The following GPC5 variants were observed in gnomAD, a reference collection of about 807,000 sequenced individuals.
GPC5 encodes glypican-5.
A neutral mutation model predicts 53.9 loss-of-function variants in GPC5; 47 were observed. That is an observed-to-expected ratio of 0.87 (90% CI 0.69 to 1.11). GPC5 has a LOEUF of 1.11. GPC5 is among the 50% of genes most tolerant of loss of function. The probability of loss-of-function intolerance (pLI) is 0.00; values close to 1 mark genes in which losing one functional copy is unlikely to be tolerated. For missense variants in GPC5, 748 were observed against 713.1 expected, an observed-to-expected ratio of 1.05 and a Z score of -0.56; for synonymous variants, 286 against 263.3, an observed-to-expected ratio of 1.09 and a Z score of -0.84.
chr13:91,907,503 T>TATATATATATA (rs2039566577), intron 5 of GPC5, among the ~76,000 whole-genome samples: 5 of 129,552 alleles, frequency 3.9e-5, no homozygotes, highest in Non-Finnish European at 6.4e-5. Context: ...CTCTCTCTCT[T>TATATATATATA]TATATATATA....
chr13:91,858,719 T>A (rs1566307623), intron 5 of GPC5, among the ~76,000 whole-genome samples: 1 of 152,026 alleles, frequency 6.6e-6, no homozygotes, highest in African/African-American at 2.4e-5. Flanking sequence ...CACAGTAGTT[T>A]GAGTAGGATT....
intron 6 of GPC5, among the ~76,000 whole-genome samples, chr13:92,127,645 T>C (rs1235783239): frequency 2.6e-5 from 4 of 152,120 alleles, no homozygotes; most frequent in Admixed American, 6.5e-5. Flanking sequence ...CTAAGTAGGT[T>C]TCAGCTGTCT....
intron 6 of GPC5, among the ~76,000 whole-genome samples, chr13:91,988,378 A>G (rs1449559467): frequency 1.3e-5 from 2 of 152,180 alleles, no homozygotes; most frequent in African/African-American, 2.4e-5. Flanking sequence ...ATCCCTGCAT[A>G]TGGAAGTCAG....
intron 7 of GPC5, among the ~76,000 whole-genome samples, chr13:92,806,711 A>T (rs1243229761): frequency 6.6e-6 from 1 of 152,076 alleles, no homozygotes; most frequent in South Asian, 2.1e-4. Context: ...TTAGTGGAGC[A>T]GTCAGTGCAC....
At chr13:91,459,476 T>C (rs1881790670) in intron 2 of GPC5, among the ~76,000 whole-genome samples, 1 of 119,402 alleles carries the variant, frequency 8.4e-6, no homozygotes, top group South Asian at 3.6e-4. Flanking sequence ...AAGAAAAGAA[T>C]TGAAGCCCAG....
At chr13:91,494,327 CATT>C (rs765322041) in intron 2 of GPC5, among the ~76,000 whole-genome samples, 8 of 98,066 alleles carry the variant, frequency 8.2e-5, no homozygotes, top group East Asian at 3.0e-4. Flanking sequence ...TCTCTGGCTC[CATT>C]ATTATTATTA....
chr13:91,896,408 C>T (rs187122649), intron 5 of GPC5, among the ~76,000 whole-genome samples: 4 of 152,170 alleles, frequency 2.6e-5, no homozygotes, highest in East Asian at 1.9e-4. Context: ...CATGAGCCAC[C>T]GCACTGGCCC....
intron 7 of GPC5, among the ~76,000 whole-genome samples, chr13:92,328,687 G>C (rs1488953967): frequency 6.6e-6 from 1 of 152,096 alleles, no homozygotes; most frequent in African/African-American, 2.4e-5. Flanking sequence ...ATCACTCCAT[G>C]TTCATGGAAA....
chr13:92,124,449 G>A (rs2138950901), intron 6 of GPC5, among the ~76,000 whole-genome samples: 1 of 152,056 alleles, frequency 6.6e-6, no homozygotes, highest in East Asian at 1.9e-4. Context: ...AAATGACATT[G>A]CAAAAAGGAA....
Position 92,163,429 on chromosome 13 carries a change from C to T in GPC5, c.1561+18440C>T, listed in dbSNP as rs1362093398. The stretch of plus-strand genomic sequence containing the variant: ...TGAGCCGAGATTGCACCACTGCAGT[C>T]CTGCCTGAGTAACACAGTGAGATTC... On this transcript the variant is annotated intron_variant, in intron 7 of 7. Transcript: ENST00000377067. Among the ~76,000 whole-genome samples, 3 of 144,014 alleles carry T rather than the reference C, an allele frequency of 2.1e-5. No individual in the cohort carries two copies. The Admixed American group carries it at 2.2e-4, about 10-fold the overall frequency. 94.5% of individuals were successfully genotyped at this position (144,014 alleles called of 152,430 possible).
chr13:92,130,219 T>C (rs533774290), intron 6 of GPC5, among the ~76,000 whole-genome samples: 86 of 152,060 alleles, frequency 5.7e-4, no homozygotes, highest in Middle Eastern at 3.4e-3. Context: ...GACAAGTAAT[T>C]GTTGAGAGAA....
At chr13:92,761,521 G>T (rs542291388) in intron 7 of GPC5, among the ~76,000 whole-genome samples, 1 of 152,148 alleles carries the variant, frequency 6.6e-6, no homozygotes, top group Admixed American at 6.6e-5. Context: ...TATTTTATTT[G>T]ATATAAGTAG....
At chr13:92,059,857 T>C (rs1389753578) in intron 6 of GPC5, 1 of 151,914 alleles carries the variant, frequency 6.6e-6, no homozygotes, top group Non-Finnish European at 1.5e-5. Context: ...ATCCTTTCCT[T>C]GGGGTTGCGC....
At chr13:92,801,231 T>C (rs906205893) in intron 7 of GPC5, among the ~76,000 whole-genome samples, 1 of 151,696 alleles carries the variant, frequency 6.6e-6, no homozygotes, top group Non-Finnish European at 1.5e-5. Flanking sequence ...TATAGATATA[T>C]ATACATATCT....
intron 6 of GPC5, among the ~76,000 whole-genome samples, chr13:92,072,419 A>T (rs1009758985): frequency 1.3e-5 from 2 of 151,568 alleles, no homozygotes; most frequent in African/African-American, 2.4e-5. Flanking sequence ...GGCGTGCACC[A>T]CCATGCCCAG....
chr13:92,770,414 C>CAA (rs34087505), intron 7 of GPC5, among the ~76,000 whole-genome samples: 2,841 of 76,510 alleles, frequency 0.037, 77 homozygotes, highest in South Asian at 0.065. Context: ...GACCCTGTCT[C>CAA]AAAAAAAAAA....
intron 7 of GPC5, among the ~76,000 whole-genome samples, chr13:92,808,585 C>A (rs1273677236): frequency 1.3e-5 from 2 of 151,886 alleles, no homozygotes; most frequent in African/African-American, 2.4e-5. Flanking sequence ...CAAATTATGG[C>A]TGACTTAATA....
intron 3 of GPC5, among the ~76,000 whole-genome samples, chr13:91,721,812 A>T (rs1192378689): frequency 6.6e-6 from 1 of 152,214 alleles, no homozygotes; most frequent in African/African-American, 2.4e-5. Flanking sequence ...AAACAAGTAG[A>T]AAATAGTATT....
chr13:91,887,176 C>A (rs2138961321), intron 5 of GPC5, among the ~76,000 whole-genome samples: 1 of 152,276 alleles, frequency 6.6e-6, no homozygotes, highest in Non-Finnish European at 1.5e-5. Flanking sequence ...CACCTGCAGG[C>A]TCAACATCAT....
Sources: gnomAD v4.1 joint callset for allele counts (sites outside exome capture counted in the v4.1 genomes callset) on GRCh38, gnomAD v4.1.1 for gene constraint, MANE v1.5 for transcripts, NCBI Gene and HGNC (gene_info 2026-07-23, HGNC 2026-07-21) for gene names.